TRIM45: variants seen among roughly 807,000 people sequenced by gnomAD.
TRIM45 encodes tripartite motif containing 45, also known as E3 ubiquitin-protein ligase TRIM45.
TRIM45 carries 45 observed loss-of-function variants against 46.7 expected under a neutral mutation model. The ratio of observed to expected loss-of-function variants is 0.96; its 90% CI spans 0.76 to 1.24. The LOEUF is 1.24. TRIM45 is among the 50% of genes most tolerant of loss of function. The probability of loss-of-function intolerance (pLI) is 0.00; values close to 1 mark genes in which losing one functional copy is unlikely to be tolerated. For missense variants in TRIM45, 680 were observed against 728.4 expected (o/e 0.93, Z 0.77); for synonymous variants, 259 against 285.8 (o/e 0.91, Z 0.94).
chr1:117,112,170 G>T lies in TRIM45; in HGVS notation c.*135C>A. On this transcript the variant is annotated 3_prime_UTR_variant, in exon 6 of 6. Transcript: ENST00000256649. ...CAATCAGTGAATAACTAACAAAAGA[G>T]CACTTGAACTCCAGTGCAAGATAAG... The T allele has an allele frequency of 1.1e-6, 1 of 889,292 alleles. No homozygotes were observed. The highest frequency in any genetic ancestry group is 1.5e-6 in the Non-Finnish European group (1 of 647,146). The allele number at this position is 889,292 out of a possible 1,614,324, so 55.1% of individuals were successfully genotyped here.
At position 117,113,440 on chromosome 1, in the gene TRIM45, A is replaced by T; in HGVS notation, c.1513T>A (p.Ser505Thr). ...AAGGTGCAGCAGTGAAACACGCCTG[A>T]GTGTGGGCGGTGCTTTCTCCTCACC... ...VMVRRKHRPHSGVFHCCTFCS... is the reference protein window; with the variant it reads ...VMVRRKHRPHTGVFHCCTFCS... The change falls in exon 5 of 6, where the codon TCA becomes ACA. Residue 505 changes from serine to threonine, a missense_variant. Ser to Thr is a moderately conservative substitution (Grantham distance 58). This residue lies in a region of TRIM45 where 322 missense variants were observed against 359.3 expected (regional missense o/e 0.90). Transcript: ENST00000256649. The surrounding 1 kb of genome is among the most constrained non-coding windows in gnomAD (Gnocchi z 4.0). 1 of 1,612,748 alleles carries T rather than the reference A, an allele frequency of 6.2e-7. No homozygotes were observed. The highest frequency in any genetic ancestry group is 1.1e-5 in the South Asian group (1 of 91,016).
chr1:117,120,580 A>G lies in TRIM45; in HGVS notation c.488+134T>C, dbSNP rs555758774. Reference sequence around the variant, plus strand: ...GTTGTACTGGAGTATTTGCTATTGCATTGTTATATTGCTCTTTGACCTTCC... The same window carrying G: ...GTTGTACTGGAGTATTTGCTATTGCGTTGTTATATTGCTCTTTGACCTTCC... On this transcript the variant is annotated intron_variant, in intron 1 of 5. Transcript: ENST00000256649. 117 of 1,284,496 alleles carry G rather than the reference A, an allele frequency of 9.1e-5. 1 individual carries two copies. In the African/African-American group the frequency reaches 1.7e-3, roughly 18 times the overall value. The allele number at this position is 1,284,496 out of a possible 1,614,324, so 79.6% of individuals were successfully genotyped here.
At chr1:117,123,711 C>T (rs1295516815), upstream of TRIM45, among the ~76,000 whole-genome samples, 2 of 151,828 alleles carry the variant, frequency 1.3e-5, no homozygotes, top group Non-Finnish European at 2.9e-5. Context: ...CACACTGCAA[C>T]CTCCACCTCC....
rs1434735847 is a variant in TRIM45 at position 117,115,113 on chromosome 1, T to C, written c.1467+462A>G. On this transcript the variant is annotated intron_variant, in intron 4 of 5. Transcript: ENST00000256649. The surrounding 1 kb of genome is among the most constrained non-coding windows in gnomAD (Gnocchi z 4.2). Reference sequence around the variant, plus strand: ...AGAAAAACCTATATGTAAAACAGAGTAGAAAATTACATGAGCAGATGGTTA... The same window carrying C: ...AGAAAAACCTATATGTAAAACAGAGCAGAAAATTACATGAGCAGATGGTTA... Among the ~76,000 whole-genome samples, 1 of 151,948 alleles carries C rather than the reference T, an allele frequency of 6.6e-6. No homozygotes were observed. The highest frequency in any genetic ancestry group is 1.5e-5 in the Non-Finnish European group (1 of 67,974).
intron 4 of TRIM45, among the ~76,000 whole-genome samples, chr1:117,114,394 C>G (rs973924033): frequency 6.6e-6 from 1 of 152,230 alleles, no homozygotes; most frequent in African/African-American, 2.4e-5. Flanking sequence ...CTCACTGCAG[C>G]CTTGAGCTCC....
chr1:117,121,368 G>C lies in TRIM45; in HGVS notation c.-167C>G. 1.3e-6 allele frequency: 1 copy of C among 758,614 alleles called. No individual in the cohort carries two copies. Among genetic ancestry groups the C allele is most frequent in the South Asian group, 2.1e-5 (1 of 48,032 alleles). The allele number at this position is 758,614 out of a possible 1,614,324, so 47.0% of individuals were successfully genotyped here. A position where few individuals can be genotyped will look rare whatever the true frequency, so the allele number is the denominator to read the frequency against. On this transcript the variant is annotated 5_prime_UTR_variant, in exon 1 of 6. Transcript: ENST00000256649. The surrounding 1 kb of genome is among the most constrained non-coding windows in gnomAD (Gnocchi z 4.2). The stretch of plus-strand genomic sequence containing the variant: ...GCAGACGGGAAGACGAGGCGTCCTC[G>C]AAGGAATCACCCACAGATCTACTCA...
At position 117,118,741 on chromosome 1, in the gene TRIM45, G is replaced by A. The variant is rs781456284; in HGVS notation, c.515C>T (p.Thr172Ile). 5 of 1,612,954 alleles carry A rather than the reference G, an allele frequency of 3.1e-6. No homozygotes were observed. The highest frequency in any genetic ancestry group is 1.1e-5 in the South Asian group (1 of 91,078). The part of the protein sequence containing the change: ...HRRQKKTTYH[T>I]MVDLKDLKGY... Reference sequence around the variant, plus strand: ...TTTCAAGTCTTTTAGGTCCACCATGGTGTGGTAAGTCGTTTTCTTCTGCCG... The same window carrying A: ...TTTCAAGTCTTTTAGGTCCACCATGATGTGGTAAGTCGTTTTCTTCTGCCG... The change falls in exon 2 of 6, where the codon ACC becomes ATC. Residue 172 changes from threonine (T) to isoleucine (I), a missense_variant. Physicochemically the swap from Thr to Ile is moderately conservative, Grantham distance 89. Transcript: ENST00000256649. The surrounding 1 kb of genome is among the most constrained non-coding windows in gnomAD (Gnocchi z 5.7).
In TRIM45 at chr1:117,117,932, C is replaced by G; in HGVS notation, c.1222+102G>C. 3.5e-6 allele frequency: 5 copies of G among 1,448,372 alleles called. No individual in the cohort carries two copies. Among genetic ancestry groups the G allele is most frequent in the Non-Finnish European group, 4.7e-6 (5 of 1,069,310 alleles). The allele number at this position is 1,448,372 out of a possible 1,614,324, so 89.7% of individuals were successfully genotyped here. A position where few individuals can be genotyped will look rare whatever the true frequency, so the allele number is the denominator to read the frequency against. ...AGTTTATCTCCCCACCTTTGGTAAC[C>G]TGGTCAGTAGGGCATGCTTCCTAGC... On this transcript the variant is annotated intron_variant, in intron 2 of 5. Coordinates refer to ENST00000256649, the MANE Select transcript of TRIM45 (RefSeq NM_025188.4). This position sits in a 1 kb window ranked among gnomAD's most constrained non-coding sequence, Gnocchi z 4.9.
chr1:117,111,438 G>C lies in TRIM45; in HGVS notation c.*867C>G, dbSNP rs1650204928. On this transcript the variant is annotated 3_prime_UTR_variant, in exon 6 of 6. Coordinates refer to ENST00000256649, the MANE Select transcript of TRIM45 (RefSeq NM_025188.4). ...CTATTTGTATGCCCTTGACCAAAGAGTAATCTTCCAGGCTTTGGGGCAGAA... is the reference window on the plus strand; with the variant it reads ...CTATTTGTATGCCCTTGACCAAAGACTAATCTTCCAGGCTTTGGGGCAGAA... 1 of 152,112 alleles carries C rather than the reference G, an allele frequency of 6.6e-6. No individual in the cohort carries two copies. The highest frequency in any genetic ancestry group is 6.5e-5 in the Admixed American group (1 of 15,274). 9.4% of individuals were successfully genotyped at this position (152,112 alleles called of 1,614,324 possible). A position where few individuals can be genotyped will look rare whatever the true frequency, so the allele number is the denominator to read the frequency against.
In TRIM45 at chr1:117,118,241, A is replaced by T; in HGVS notation, c.1015T>A (p.Ser339Thr). 6.2e-7 allele frequency: 1 copy of T among 1,614,042 alleles called. No homozygotes were observed. The highest frequency in any genetic ancestry group is 8.5e-7 in the Non-Finnish European group (1 of 1,180,006). Reference protein sequence around the residue: ...EFTEHLLTSGSDLEILITKRV... With the variant: ...EFTEHLLTSGTDLEILITKRV... ...TTGGTGATGAGGATCTCCAAGTCTG[A>T]GCCGCTGGTCAGCAAGTGCTCGGTG... The change falls in exon 2 of 6, where the codon TCA becomes ACA. Residue 339 changes from serine (S) to threonine (T), a missense_variant. Physicochemically the swap from Ser to Thr is moderately conservative, Grantham distance 58. Transcript: ENST00000256649. This position sits in a 1 kb window ranked among gnomAD's most constrained non-coding sequence, Gnocchi z 5.7.
At chr1:117,112,533 C>T in intron 5 of TRIM45, 80 bp from the exon 6 acceptor site, 1 of 1,344,246 alleles carries the variant, frequency 7.4e-7, no homozygotes, top group Non-Finnish European at 1.0e-6. Context: ...GGAAATTAGA[C>T]CTCCTGGCAA....
At chr1:117,123,677 C>T (rs1223240000), upstream of TRIM45, among the ~76,000 whole-genome samples, 4 of 150,752 alleles carry the variant, frequency 2.7e-5, no homozygotes, top group South Asian at 2.1e-4. Context: ...TTGCCTAGGC[C>T]GGAATGCAAT....
At chr1:117,114,375 C>T (rs958541679) in intron 4 of TRIM45, among the ~76,000 whole-genome samples, 5 of 152,210 alleles carry the variant, frequency 3.3e-5, no homozygotes, top group African/African-American at 1.2e-4. Context: ...TGCACTGGCA[C>T]ATCCATAGCT....
chr1:117,121,936 G>A, upstream of TRIM45: 1 of 685,980 alleles, frequency 1.5e-6, no homozygotes, highest in East Asian at 2.8e-5. This position sits in a 1 kb window ranked among gnomAD's most constrained non-coding sequence, Gnocchi z 4.2. Context: ...CAAGGCCGTG[G>A]GCGGGGCGGC....
At chr1:117,114,892 G>A (rs1557845796) in intron 4 of TRIM45, among the ~76,000 whole-genome samples, 1 of 152,152 alleles carries the variant, frequency 6.6e-6, no homozygotes, top group East Asian at 1.9e-4. Context: ...TGTCAGTGTT[G>A]ATTTCTGTGG....
Position 117,113,489 on chromosome 1 carries a change from C to T in TRIM45, c.1468-4G>A. 6.2e-7 allele frequency: 1 copy of T among 1,612,380 alleles called. No individual in the cohort carries two copies. Among genetic ancestry groups the T allele is most frequent in the Non-Finnish European group, 8.5e-7 (1 of 1,179,736 alleles). ...CCATCACAGTGAATGGCGAGCCCTG[C>T]AGTGTTCAGACCAAAAGCAATGAAC... On this transcript the variant is annotated splice_polypyrimidine_tract_variant and splice_region_variant and intron_variant, in intron 4 of 5. Transcript: ENST00000256649. The surrounding 1 kb of genome is among the most constrained non-coding windows in gnomAD (Gnocchi z 4.0).
chr1:117,120,045 T>C (rs1413629348), intron 1 of TRIM45, among the ~76,000 whole-genome samples: 1 of 152,152 alleles, frequency 6.6e-6, no homozygotes, highest in African/African-American at 2.4e-5. Flanking sequence ...AAGTGATCCA[T>C]CTGACAAACT....
chr1:117,116,588 C>A lies in TRIM45; in HGVS notation c.1352+28G>T, dbSNP rs751969131. 3 of 1,610,938 alleles carry A rather than the reference C, an allele frequency of 1.9e-6. No individual in the cohort carries two copies. The Admixed American group carries it at 5.0e-5, about 27-fold the overall frequency. On this transcript the variant is annotated intron_variant, in intron 3 of 5. Coordinates refer to ENST00000256649, the MANE Select transcript of TRIM45 (RefSeq NM_025188.4). This position sits in a 1 kb window ranked among gnomAD's most constrained non-coding sequence, Gnocchi z 4.6. ...TTCCAGTTTTCTCACTGCCTGTTAT[C>A]CATGACACCTAATTGTGTCATACAA... is the stretch of plus-strand genomic sequence containing the variant.
At position 117,115,900 on chromosome 1, in the gene TRIM45, C is replaced by T. The variant is rs1257143707; in HGVS notation, c.1353-211G>A. Among the ~76,000 whole-genome samples, 32 of 152,142 alleles carry T rather than the reference C, an allele frequency of 2.1e-4. No homozygotes were observed. The highest frequency in any genetic ancestry group is 7.4e-5 in the Non-Finnish European group (5 of 68,026). ...TTTAGTCTGATATTCAGACAAATTC[C>T]TTGAATATATTATTGTGTCCTTTTC... is the stretch of plus-strand genomic sequence containing the variant. On this transcript the variant is annotated intron_variant, in intron 3 of 5. Transcript: ENST00000256649. The surrounding 1 kb of genome is among the most constrained non-coding windows in gnomAD (Gnocchi z 4.2).
Sources: allele counts gnomAD v4.1 joint callset (sites outside exome capture counted in the v4.1 genomes callset), GRCh38; gene constraint gnomAD v4.1.1; regional missense constraint gnomAD v4.1.1; non-coding constraint Gnocchi (gnomAD v3.1); transcripts MANE v1.5; gene names NCBI Gene and HGNC (gene_info 2026-07-23, HGNC 2026-07-21).